EPHB2: variants seen among roughly 807,000 people sequenced by gnomAD.
EPHB2 encodes the protein EPH receptor B2.
EPHB2 carries 18 observed loss-of-function variants against 96.4 expected under a neutral mutation model. The observed-to-expected ratio is 0.19, with a 90% confidence interval of 0.13 to 0.28. The LOEUF (loss-of-function observed/expected upper bound fraction) is 0.28. Among genes scored for constraint, EPHB2 ranks in the 10% least tolerant of loss-of-function variants. The pLI, the probability that EPHB2 is intolerant of heterozygous loss-of-function variation, is 1.00. For missense variants in EPHB2, 989 were observed against 1,355.4 expected (o/e 0.73, Z 4.25); for synonymous variants, 506 against 534.1 (o/e 0.95, Z 0.72).
intron 5 of EPHB2, 79 bp from the exon 6 acceptor site, chr1:22,882,280 T>C (rs1639072563): frequency 6.3e-7 from 1 of 1,593,706 alleles, no homozygotes; most frequent in Non-Finnish European, 8.5e-7. Flanking sequence ...GCCCCACCTG[T>C]CCGAGTACCT....
chr1:22,777,195 C>T (rs1327867136), intron 1 of EPHB2, among the ~76,000 whole-genome samples: 1 of 152,168 alleles, frequency 6.6e-6, no homozygotes, highest in African/African-American at 2.4e-5. Flanking sequence ...TGAGAAAACA[C>T]CACATTGTCT....
chr1:22,919,678 G>A lies in EPHB2; in HGVS notation c.*6108G>A, dbSNP rs951548380. On this transcript the variant is annotated 3_prime_UTR_variant, in exon 16 of 16. Transcript: ENST00000374630. The stretch of plus-strand genomic sequence containing the variant: ...GCCCTGTCTCTACCCAAGACCTAAC[G>A]GCCCCTGTTGAAGGAGAGGGAGCAG... 6.6e-6 allele frequency: 1 copy of A among 152,336 alleles called. No individual in the cohort carries two copies. The highest frequency in any genetic ancestry group is 2.4e-5 in the African/African-American group (1 of 41,408). The allele number at this position is 152,336 out of a possible 1,614,324, so 9.4% of individuals were successfully genotyped here.
chr1:22,886,034 GAA>G (rs1296882259), intron 6 of EPHB2, among the ~76,000 whole-genome samples: 4 of 152,156 alleles, frequency 2.6e-5, no homozygotes, highest in African/African-American at 9.7e-5. Context: ...AGTCCAGGGA[GAA>G]AGAGTCAGAC....
chr1:22,783,567 C>T (rs1644564990), intron 2 of EPHB2, among the ~76,000 whole-genome samples: 1 of 152,168 alleles, frequency 6.6e-6, no homozygotes, highest in Admixed American at 6.5e-5. Context: ...AGACCAGAGA[C>T]GATGCCCCAG....
intron 1 of EPHB2, 60 bp from the exon 2 acceptor site, chr1:22,781,361 A>T (rs1286193046): frequency 1.3e-6 from 2 of 1,537,184 alleles, no homozygotes; most frequent in African/African-American, 2.7e-5. Flanking sequence ...AGGGCCCAAC[A>T]GAAAGATTGA....
chr1:22,861,758 TG>T (rs1638266019), intron 3 of EPHB2, among the ~76,000 whole-genome samples: 2 of 152,250 alleles, frequency 1.3e-5, no homozygotes, highest in South Asian at 2.1e-4. Flanking sequence ...AGACTTGGAC[TG>T]GGAAGATAAG....
In EPHB2 at chr1:22,784,458, T is replaced by A; in HGVS notation, c.193T>A (p.Phe65Ile). 1 of 1,614,172 alleles carries A rather than the reference T, an allele frequency of 6.2e-7. No individual in the cohort carries two copies. Among genetic ancestry groups the A allele is most frequent in the Non-Finnish European group, 8.5e-7 (1 of 1,180,032 alleles). Residue 65 changes from phenylalanine (F) to isoleucine (I), a missense_variant, in exon 3 of 16, where the codon TTT (phenylalanine) becomes ATT (isoleucine). Physicochemically the swap from Phe to Ile is conservative, Grantham distance 21 (BLOSUM62 0). Transcript: ENST00000374630. The surrounding 1 kb of genome is among the most constrained non-coding windows in gnomAD (Gnocchi z 5.1). ...TIRTYQVCNV[F>I]ESSQNNWLRT... ...CCGCACGTACCAGGTGTGCAACGTGTTTGAGTCAAGCCAGAACAACTGGCT... is the reference window on the plus strand; with the variant it reads ...CCGCACGTACCAGGTGTGCAACGTGATTGAGTCAAGCCAGAACAACTGGCT...
chr1:22,776,380 C>T (rs1053304167), intron 1 of EPHB2, among the ~76,000 whole-genome samples: 1 of 152,198 alleles, frequency 6.6e-6, no homozygotes, highest in Non-Finnish European at 1.5e-5. Flanking sequence ...TTTCCTGTAA[C>T]CTGCAATAAA....
chr1:22,905,725 A>G (rs1166775626), intron 9 of EPHB2, among the ~76,000 whole-genome samples: 2 of 152,110 alleles, frequency 1.3e-5, no homozygotes, highest in Admixed American at 6.5e-5. Context: ...CCAGAAAACC[A>G]CTGTTGATCA....
intron 1 of EPHB2, chr1:22,774,434 G>A: frequency 3.0e-6 from 1 of 337,494 alleles, no homozygotes; most frequent in Non-Finnish European, 4.2e-6. Context: ...CAGGACAGCT[G>A]CCAGGAAGAA....
chr1:22,879,398 C>T (rs1437204584), intron 5 of EPHB2, among the ~76,000 whole-genome samples: 2 of 152,232 alleles, frequency 1.3e-5, no homozygotes, highest in Admixed American at 6.5e-5. Context: ...CACTGACAAG[C>T]CCGTGATGGG....
chr1:22,769,568 C>A (rs1209302700), intron 1 of EPHB2, among the ~76,000 whole-genome samples: 1 of 152,094 alleles, frequency 6.6e-6, no homozygotes. Flanking sequence ...CCACCACACC[C>A]AGCTAATTTT....
In EPHB2 at chr1:22,860,279, C is replaced by T. The variant is rs1262971286; in HGVS notation, c.812-2758C>T. Among the ~76,000 whole-genome samples, 1 of 152,044 alleles carries T rather than the reference C, an allele frequency of 6.6e-6. No homozygotes were observed. Among genetic ancestry groups the T allele is most frequent in the Non-Finnish European group, 1.5e-5 (1 of 68,018 alleles). On this transcript the variant is annotated intron_variant, in intron 3 of 15. Coordinates refer to ENST00000374630, the MANE Select transcript of EPHB2 (RefSeq NM_017449.5). This position sits in a 1 kb window ranked among gnomAD's most constrained non-coding sequence, Gnocchi z 4.6. ...TTCTAGATGCTGGCAGCGGGGGGAG[C>T]GGCCAAGACCAGACCAGAGACTGCT...
intron 1 of EPHB2, among the ~76,000 whole-genome samples, chr1:22,771,521 T>A (rs1045596555): frequency 6.6e-6 from 1 of 152,104 alleles, no homozygotes; most frequent in Non-Finnish European, 1.5e-5. Flanking sequence ...GCAACTGGGG[T>A]TCCCAGGCCC....
chr1:22,778,257 C>T (rs981516328), intron 1 of EPHB2, among the ~76,000 whole-genome samples: 6 of 152,064 alleles, frequency 3.9e-5, no homozygotes, highest in African/African-American at 1.4e-4. Flanking sequence ...AACTCCTGAC[C>T]TCAAGTGATC....
At chr1:22,782,457 T>C (rs571706331) in intron 2 of EPHB2, among the ~76,000 whole-genome samples, 2 of 106,930 alleles carry the variant, frequency 1.9e-5, no homozygotes, top group African/African-American at 7.4e-5. Flanking sequence ...GGGAACTGCA[T>C]TCCCCCCACC....
At chr1:22,806,476 T>TGGAC (rs543596023) in intron 3 of EPHB2, among the ~76,000 whole-genome samples, 33 of 144,444 alleles carry the variant, frequency 2.3e-4, no homozygotes, top group African/African-American at 7.4e-4. Context: ...GATGGATGGA[T>TGGAC]GGACGGACGG....
intron 1 of EPHB2, among the ~76,000 whole-genome samples, chr1:22,731,588 C>A (rs538610542): frequency 2.0e-5 from 3 of 152,256 alleles, no homozygotes; most frequent in South Asian, 2.1e-4. Context: ...GCCTGTAATC[C>A]CAGCACTTTG....
At chr1:22,907,566 C>T (rs1359280848) in intron 11 of EPHB2, among the ~76,000 whole-genome samples, 1 of 152,224 alleles carries the variant, frequency 6.6e-6, no homozygotes, top group African/African-American at 2.4e-5. Context: ...TTGTGAAGCA[C>T]CTAACATGTG....
Sources: allele counts gnomAD v4.1 joint callset (sites outside exome capture counted in the v4.1 genomes callset), GRCh38; gene constraint gnomAD v4.1.1; non-coding constraint Gnocchi (gnomAD v3.1); transcripts MANE v1.5; gene names NCBI Gene and HGNC (gene_info 2026-07-23, HGNC 2026-07-21).